The following GRIA1 variants were observed in gnomAD, a reference collection of about 807,000 sequenced individuals.
GRIA1 encodes the protein glutamate ionotropic receptor AMPA type subunit 1, also known as glutamate receptor 1.
In GRIA1, 31 loss-of-function variants were observed where a neutral mutation model predicts 99.2. That is an observed-to-expected ratio of 0.31 (90% CI 0.23 to 0.42). The LOEUF (loss-of-function observed/expected upper bound fraction) is 0.42, where lower values mean the gene tolerates loss of function less well. Ranked by LOEUF, GRIA1 falls within the 10% of genes least tolerant of loss-of-function variation. The pLI is 1.00. For synonymous variants in GRIA1, 438 were observed against 432.4 expected, an observed-to-expected ratio of 1.01 and a Z score of -0.16; for missense variants, 782 against 1,157.5, an observed-to-expected ratio of 0.68 and a Z score of 4.71.
chr5:153,625,070 G>C (rs545346006), intron 2 of GRIA1, among the ~76,000 whole-genome samples: 5 of 152,098 alleles, frequency 3.3e-5, no homozygotes, highest in South Asian at 2.1e-4. Flanking sequence ...CCGCAGCCCT[G>C]GTTGGCTGCT....
chr5:153,523,410 C>T (rs566666531), intron 2 of GRIA1, among the ~76,000 whole-genome samples: 3 of 152,276 alleles, frequency 2.0e-5, no homozygotes, highest in Admixed American at 6.5e-5. Flanking sequence ...CATTTTTCAC[C>T]ACAGCCTGAA....
chr5:153,751,852 G>A (rs574566434), intron 11 of GRIA1, among the ~76,000 whole-genome samples: 1 of 152,286 alleles, frequency 6.6e-6, no homozygotes, highest in Admixed American at 6.5e-5. Context: ...TTTGCAAAAA[G>A]AGACAGCCTG....
chr5:153,630,343 A>G (rs1752854491), intron 2 of GRIA1, among the ~76,000 whole-genome samples: 1 of 151,948 alleles, frequency 6.6e-6, no homozygotes, highest in African/African-American at 2.4e-5. Context: ...TTCTTTTCTT[A>G]GATATGTGAG....
At chr5:153,590,988 G>A (rs530048961) in intron 2 of GRIA1, among the ~76,000 whole-genome samples, 1 of 152,290 alleles carries the variant, frequency 6.6e-6, no homozygotes, top group East Asian at 1.9e-4. Flanking sequence ...AAAGTGGGTT[G>A]CTATATTGTG....
At chr5:153,785,008 C>A (rs1417837306) in intron 13 of GRIA1, among the ~76,000 whole-genome samples, 1 of 152,088 alleles carries the variant, frequency 6.6e-6, no homozygotes, top group Admixed American at 6.5e-5. Flanking sequence ...GGAAAAGAGG[C>A]AGAAAAAATC....
At chr5:153,761,239 G>A (rs192639787) in intron 11 of GRIA1, among the ~76,000 whole-genome samples, 1 of 152,182 alleles carries the variant, frequency 6.6e-6, no homozygotes, top group East Asian at 1.9e-4. Flanking sequence ...GAAGAAACAA[G>A]CTACAGAATA....
chr5:153,691,562 C>A (rs986056965), intron 8 of GRIA1, among the ~76,000 whole-genome samples: 2 of 152,150 alleles, frequency 1.3e-5, no homozygotes, highest in Non-Finnish European at 2.9e-5. Context: ...GACACAAAGT[C>A]CTGCTGATAT....
intron 2 of GRIA1, among the ~76,000 whole-genome samples, chr5:153,584,414 C>T (rs893182542): frequency 9.9e-5 from 15 of 152,174 alleles, no homozygotes; most frequent in South Asian, 4.1e-4. Flanking sequence ...TATTGGTTGT[C>T]GTGCCCAATT....
intron 2 of GRIA1, among the ~76,000 whole-genome samples, chr5:153,576,884 T>C (rs1054792849): frequency 1.3e-5 from 2 of 152,072 alleles, no homozygotes; most frequent in African/African-American, 4.8e-5. Flanking sequence ...TTGCTAGAGC[T>C]TTAGAGATGT....
chr5:153,621,269 A>T (rs1767020328), intron 2 of GRIA1, among the ~76,000 whole-genome samples: 1 of 152,102 alleles, frequency 6.6e-6, no homozygotes, highest in South Asian at 2.1e-4. Flanking sequence ...TCTCCTTATG[A>T]TGTGTTATAA....
chr5:153,775,281 A>G (rs1332845390), intron 13 of GRIA1, among the ~76,000 whole-genome samples: 1 of 152,254 alleles, frequency 6.6e-6, no homozygotes, highest in Non-Finnish European at 1.5e-5. Context: ...CTCAGTTAAA[A>G]TGTCACCTGA....
chr5:153,802,887 G>A (rs1397231967), intron 15 of GRIA1, among the ~76,000 whole-genome samples: 1 of 152,170 alleles, frequency 6.6e-6, no homozygotes, highest in East Asian at 1.9e-4. Context: ...TGCTGACCTT[G>A]TCATACCTGG....
In GRIA1 at chr5:153,677,125, G is replaced by A. The variant is rs1161771328; in HGVS notation, c.993G>A (p.Trp331Ter). ...GDCLANPAVP[W>*]GQGIDIQRAL... ...GTCTGGCTAACCCAGCTGTTCCCTG[G>A]GGCCAAGGGATCGACATCCAGAGAG... The change falls in exon 7 of 16, where the codon TGG becomes TGA. Residue 331 changes from tryptophan to a stop codon, truncating the protein, a stop_gained. Transcript: ENST00000285900. LOFTEE classifies it high-confidence loss of function. The A allele has an allele frequency of 6.4e-7, 1 of 1,561,326 alleles. No homozygotes were observed. Among genetic ancestry groups the A allele is most frequent in the Non-Finnish European group, 8.7e-7 (1 of 1,147,752 alleles).
At chr5:153,694,735 A>G (rs2149508270) in intron 8 of GRIA1, among the ~76,000 whole-genome samples, 1 of 152,328 alleles carries the variant, frequency 6.6e-6, no homozygotes, top group Non-Finnish European at 1.5e-5. Flanking sequence ...GATCTTGACC[A>G]CTGGGCTCCC....
chr5:153,656,387 ATATATATAT>A (rs748861278), intron 5 of GRIA1, among the ~76,000 whole-genome samples: 39 of 143,488 alleles, frequency 2.7e-4, no homozygotes, highest in African/African-American at 5.1e-4. Context: ...GTTTGTTTAT[ATATATATAT>A]ATATATATAT....
chr5:153,813,237 CCTCATACAAGATTTTT>C lies in GRIA1; in HGVS notation c.*2017_*2032del, dbSNP rs1766945673. ...CCAGCTGATGTCTCTCAGCCCCTGC[CCTCATACAAGATTTTT>C]CTCAGCCTTCAGCCTACCACTGCAG... On this transcript the variant is annotated 3_prime_UTR_variant, in exon 16 of 16. Transcript: ENST00000285900. 1 of 152,220 alleles carries C rather than the reference CCTCATACAAGATTTTT, an allele frequency of 6.6e-6. No homozygotes were observed. The highest frequency in any genetic ancestry group is 6.5e-5 in the Admixed American group (1 of 15,286). The allele number at this position is 152,220 out of a possible 1,614,324, so 9.4% of individuals were successfully genotyped here.
intron 14 of GRIA1, among the ~76,000 whole-genome samples, chr5:153,797,149 C>T (rs942608484): frequency 3.3e-5 from 5 of 152,228 alleles, no homozygotes; most frequent in African/African-American, 7.2e-5. Context: ...ATTACCCCCA[C>T]GCCCTAGAGA....
intron 13 of GRIA1, among the ~76,000 whole-genome samples, chr5:153,783,736 C>A (rs1187283807): frequency 6.6e-6 from 1 of 152,232 alleles, no homozygotes; most frequent in African/African-American, 2.4e-5. Context: ...ATTTATGAAG[C>A]AGCTACTGTG....
At chr5:153,508,682 AG>A (rs1755770172) in intron 2 of GRIA1, among the ~76,000 whole-genome samples, 1 of 152,220 alleles carries the variant, frequency 6.6e-6, no homozygotes, top group Admixed American at 6.5e-5. Flanking sequence ...TCCTCTGTGG[AG>A]GAAGGAGAAG....
Sources: allele counts gnomAD v4.1 joint callset (sites outside exome capture counted in the v4.1 genomes callset), GRCh38; gene constraint gnomAD v4.1.1; transcripts MANE v1.5; gene names NCBI Gene and HGNC (gene_info 2026-07-23, HGNC 2026-07-21).